NSD1: variants seen among roughly 807,000 people sequenced by gnomAD.
NSD1 encodes the protein histone-lysine N-methyltransferase, H3 lysine-36 specific.
NSD1 carries 26 observed loss-of-function variants against 242.7 expected under a neutral mutation model. The observed-to-expected ratio is 0.11, with a 90% CI of 0.08 to 0.15. The LOEUF (loss-of-function observed/expected upper bound fraction) is 0.15. Among genes scored for constraint, NSD1 ranks in the 10% least tolerant of loss-of-function variants. NSD1 has a pLI of 1.00. For missense variants in NSD1, 2,495 were observed against 3,272.8 expected (o/e 0.76, Z 5.80); for synonymous variants, 1,106 against 1,178.1 (o/e 0.94, Z 1.25).
chr5:177,182,266 G>A (rs939309880), intron 2 of NSD1, among the ~76,000 whole-genome samples: 1 of 152,140 alleles, frequency 6.6e-6, no homozygotes, highest in Non-Finnish European at 1.5e-5. Flanking sequence ...ACAGTGAGTT[G>A]TTTTTGTCCC....
chr5:177,298,170 C>T lies in NSD1; in HGVS notation c.*2711C>T. The T allele has an allele frequency of 4.3e-6, 1 of 233,170 alleles. No homozygotes were observed. The highest frequency in any genetic ancestry group is 8.5e-6 in the Non-Finnish European group (1 of 118,032). The allele number at this position is 233,170 out of a possible 1,614,324, so 14.4% of individuals were successfully genotyped here. A position where few individuals can be genotyped will look rare whatever the true frequency, so the allele number is the denominator to read the frequency against. On this transcript the variant is annotated 3_prime_UTR_variant, in exon 23 of 23. Transcript: ENST00000439151. ...TGGCCTTGCCAGCCCTGTGGGACGT[C>T]CCCTGAAGTTTGTAATAAGACCCCT...
At chr5:177,272,496 TTTTAATGTGGG>T (rs1481263746) in intron 16 of NSD1, among the ~76,000 whole-genome samples, 17 of 151,926 alleles carry the variant, frequency 1.1e-4, no homozygotes, top group Non-Finnish European at 2.2e-4. Flanking sequence ...TTCTCAGAGT[TTTTAATGTGGG>T]TGAAGAATAA....
intron 14 of NSD1, among the ~76,000 whole-genome samples, chr5:177,263,205 T>G (rs951290360): frequency 6.6e-6 from 1 of 152,234 alleles, no homozygotes; most frequent in South Asian, 2.1e-4. Flanking sequence ...CTTTCTAAAT[T>G]GGTTGAGACT....
At chr5:177,288,144 A>G (rs1759484645) in intron 20 of NSD1, among the ~76,000 whole-genome samples, 1 of 152,168 alleles carries the variant, frequency 6.6e-6, no homozygotes, top group Non-Finnish European at 1.5e-5. Context: ...TTCCTCTCAC[A>G]GTTTTGGTGA....
At position 177,217,736 on chromosome 5, in the gene NSD1, C is replaced by A. The variant is rs189618060; in HGVS notation, c.3796+5541C>A. On this transcript the variant is annotated intron_variant, in intron 5 of 22. Coordinates refer to ENST00000439151, the MANE Select transcript of NSD1 (RefSeq NM_022455.5). ...ATGATGGAGTGCAGTGGCGCGATCT[C>A]GGCTCACTGCAACCTCCACCTCCCT... Among the ~76,000 whole-genome samples the A allele has an allele frequency of 3.4e-3, 502 of 145,988 alleles. 3 individuals are homozygous for A. Among genetic ancestry groups the A allele is most frequent in the Middle Eastern group, 0.017 (5 of 288 alleles).
chr5:177,213,270 GTA>G (rs1248571844), intron 5 of NSD1, among the ~76,000 whole-genome samples: 2 of 152,146 alleles, frequency 1.3e-5, no homozygotes, highest in African/African-American at 4.8e-5. Flanking sequence ...TCAAAACTGT[GTA>G]TCATAGTAGA....
At chr5:177,160,066 G>A (rs1163024382) in intron 2 of NSD1, among the ~76,000 whole-genome samples, 1 of 151,382 alleles carries the variant, frequency 6.6e-6, no homozygotes, top group Non-Finnish European at 1.5e-5. Context: ...ATTTTTTTGT[G>A]TTTTTGTAGA....
At chr5:177,158,821 C>CAAA (rs57206832) in intron 2 of NSD1, among the ~76,000 whole-genome samples, 1 of 80,336 alleles carries the variant, frequency 1.2e-5, no homozygotes, top group Admixed American at 1.4e-4. Context: ...GACTTCATCT[C>CAAA]AAAAAAAAAA....
intron 2 of NSD1, among the ~76,000 whole-genome samples, chr5:177,142,734 TC>T (rs1230846407): frequency 6.6e-6 from 1 of 152,224 alleles, no homozygotes; most frequent in Admixed American, 6.6e-5. Context: ...ATTTAGTCTT[TC>T]CTTCCAGTCT....
chr5:177,210,028 T>A lies in NSD1; in HGVS notation c.1629T>A (p.Ser543=). ...LGLNFISGDI[S]DTQASNELSR... ...TAAACTTTATCTCTGGGGATATATC[T>A]GATACGCAGGCCTCTAATGAACTTT... Residue 543 remains serine (S), a synonymous_variant, in exon 5 of 23, where the codon TCT becomes TCA. Coordinates refer to ENST00000439151, the MANE Select transcript of NSD1 (RefSeq NM_022455.5). The A allele has an allele frequency of 3.1e-6, 5 of 1,614,148 alleles. No homozygotes were observed. Among genetic ancestry groups the A allele is most frequent in the Non-Finnish European group, 4.2e-6 (5 of 1,180,028 alleles).
At position 177,240,898 on chromosome 5, in the gene NSD1, G is replaced by C. The variant is rs557615293; in HGVS notation, c.4302+1033G>C. ...GAAAATGGTGTGGTGTTGCATGTCT[G>C]GTCCCAGCTACTCAGAAGGCTGAAG... is the stretch of plus-strand genomic sequence containing the variant. On this transcript the variant is annotated intron_variant, in intron 8 of 22. Coordinates refer to ENST00000439151, the MANE Select transcript of NSD1 (RefSeq NM_022455.5). Among the ~76,000 whole-genome samples the C allele has an allele frequency of 1.1e-4, 17 of 151,724 alleles. 1 individual carries two copies. In the South Asian group the frequency reaches 3.5e-3, roughly 32 times the overall value.
At chr5:177,219,053 T>A (rs1264657882) in intron 5 of NSD1, among the ~76,000 whole-genome samples, 3 of 152,176 alleles carry the variant, frequency 2.0e-5, no homozygotes, top group African/African-American at 7.2e-5. Flanking sequence ...TTCTACCAAC[T>A]TTGGGCTTAG....
At chr5:177,271,342 T>C (rs542977380) in intron 16 of NSD1, among the ~76,000 whole-genome samples, 1 of 152,142 alleles carries the variant, frequency 6.6e-6, no homozygotes, top group East Asian at 1.9e-4. Context: ...ATAGTTAGCA[T>C]TTTTGTTTGC....
At chr5:177,235,305 A>G (rs1765357657) in intron 5 of NSD1, among the ~76,000 whole-genome samples, 1 of 152,228 alleles carries the variant, frequency 6.6e-6, no homozygotes, top group East Asian at 1.9e-4. Flanking sequence ...GATGTGTGTA[A>G]TACATAAATG....
chr5:177,200,361 G>A (rs575009492), intron 3 of NSD1, among the ~76,000 whole-genome samples: 2 of 151,908 alleles, frequency 1.3e-5, no homozygotes, highest in African/African-American at 4.8e-5. Context: ...CTCCCGCCTC[G>A]GCCTCCCAAG....
chr5:177,245,092 T>G (rs1766173946), intron 9 of NSD1, among the ~76,000 whole-genome samples: 1 of 152,184 alleles, frequency 6.6e-6, no homozygotes. Context: ...GGTGTATTTC[T>G]GTAGTCACAG....
In NSD1 at chr5:177,211,957, C is replaced by G. The variant is rs398124377; in HGVS notation, c.3558C>G (p.Ala1186=). ...RFKEKENSEC[A]FRVLLPSDPV... ...AAGAGAAAGAAAACTCTGAGTGTGC[C>G]TTTAGGGTCTTACTTCCTAGTGACC... Residue 1186 remains alanine, a synonymous_variant, in exon 5 of 23, where the codon GCC becomes GCG. Coordinates refer to ENST00000439151, the MANE Select transcript of NSD1 (RefSeq NM_022455.5). The G allele has an allele frequency of 2.4e-5, 38 of 1,609,352 alleles. No individual in the cohort carries two copies. The highest frequency in any genetic ancestry group is 2.6e-5 in the Non-Finnish European group (31 of 1,177,216).
In NSD1 at chr5:177,295,133, C is replaced by T. The variant is rs754143474; in HGVS notation, c.7765C>T (p.Leu2589=). ...GAAGCAGATGGTCGGAGGCCAGCAA[C>T]TACCTGCACTTGCCGCCAAGAGTGG... ...QAKQMVGGQQ[L]PALAAKSGQS... Residue 2589 remains leucine (L), a synonymous_variant, in exon 23 of 23, where the codon CTA becomes TTA. Transcript: ENST00000439151. This position sits in a 1 kb window ranked among gnomAD's most constrained non-coding sequence, Gnocchi z 4.3. The T allele has an allele frequency of 6.2e-7, 1 of 1,613,808 alleles. No individual in the cohort carries two copies. Among genetic ancestry groups the T allele is most frequent in the Non-Finnish European group, 8.5e-7 (1 of 1,179,754 alleles).
At chr5:177,203,392 C>T (rs1762644195) in intron 3 of NSD1, among the ~76,000 whole-genome samples, 1 of 151,996 alleles carries the variant, frequency 6.6e-6, no homozygotes. Context: ...ATAGGCTAAA[C>T]TGGATTTATT....
Sources: allele counts gnomAD v4.1 joint callset (sites outside exome capture counted in the v4.1 genomes callset), GRCh38; gene constraint gnomAD v4.1.1; non-coding constraint Gnocchi (gnomAD v3.1); transcripts MANE v1.5; gene names NCBI Gene and HGNC (gene_info 2026-07-23, HGNC 2026-07-21).